COBLL1: variants seen among roughly 807,000 people sequenced by gnomAD.
The protein encoded by COBLL1 is cordon-bleu protein-like 1.
A neutral mutation model predicts 94.8 loss-of-function variants in COBLL1; 50 were observed. The observed-to-expected ratio is 0.53, with a 90% CI of 0.42 to 0.67. COBLL1 has a LOEUF of 0.67. Among genes scored for constraint, COBLL1 ranks in the 30% least tolerant of loss-of-function variants. The pLI is 0.00. For missense variants in COBLL1, 1,362 were observed against 1,348.7 expected, an observed-to-expected ratio of 1.01 and a Z score of -0.15; for synonymous variants, 448 against 473.8, an observed-to-expected ratio of 0.95 and a Z score of 0.71.
At chr2:164,808,895 T>A (rs757735742) in intron 2 of COBLL1, among the ~76,000 whole-genome samples, 1 of 152,160 alleles carries the variant, frequency 6.6e-6, no homozygotes, top group Non-Finnish European at 1.5e-5. Flanking sequence ...CACTCACATA[T>A]TCTTAAAAAG....
intron 2 of COBLL1, chr2:164,779,875 C>T (rs1688654140): frequency 7.0e-5 from 26 of 373,318 alleles, no homozygotes; most frequent in South Asian, 5.5e-4. Flanking sequence ...AGGTATGAGA[C>T]ATGGGTCAGG....
At chr2:164,705,802 G>C (rs754530204) in intron 7 of COBLL1, among the ~76,000 whole-genome samples, 5 of 152,186 alleles carry the variant, frequency 3.3e-5, no homozygotes, top group Admixed American at 6.5e-5. Context: ...GGAAGGCCAA[G>C]GTGGGCAGAC....
intron 2 of COBLL1, among the ~76,000 whole-genome samples, chr2:164,829,850 G>T (rs1682983320): frequency 6.6e-6 from 1 of 152,106 alleles, no homozygotes; most frequent in African/African-American, 2.4e-5. Context: ...AAGCTGGCTG[G>T]TTCCCTAAGG....
At chr2:164,717,491 G>A (rs1211642543) in intron 7 of COBLL1, among the ~76,000 whole-genome samples, 1 of 152,178 alleles carries the variant, frequency 6.6e-6, no homozygotes, top group Non-Finnish European at 1.5e-5. Context: ...ACGTTCATAT[G>A]TTTTGCTGAA....
intron 2 of COBLL1, among the ~76,000 whole-genome samples, chr2:164,825,706 T>C (rs946671453): frequency 2.1e-4 from 32 of 152,316 alleles, no homozygotes; most frequent in East Asian, 9.6e-4. Flanking sequence ...GACTATGCCA[T>C]CATGCTGCCA....
intron 1 of COBLL1, among the ~76,000 whole-genome samples, chr2:164,674,959 G>A (rs1691312373): frequency 6.6e-6 from 1 of 152,114 alleles, no homozygotes; most frequent in Non-Finnish European, 1.5e-5. Flanking sequence ...ACATTGTGTT[G>A]GGCAGGCATC....
intron 2 of COBLL1, among the ~76,000 whole-genome samples, chr2:164,665,355 A>G (rs1469015497): frequency 2.0e-5 from 3 of 151,230 alleles, no homozygotes; most frequent in African/African-American, 7.3e-5. Context: ...AGAAAGAAAG[A>G]AAGAAAGAAA....
chr2:164,680,071 C>T (rs1483424762), downstream of COBLL1: 2 of 152,016 alleles, frequency 1.3e-5, no homozygotes, highest in Non-Finnish European at 2.9e-5. Context: ...CAAATTCCTA[C>T]TTGCCTCCAA....
At chr2:164,774,205 A>C (rs1354072516) in intron 2 of COBLL1, among the ~76,000 whole-genome samples, 6 of 152,164 alleles carry the variant, frequency 3.9e-5, no homozygotes, top group Non-Finnish European at 8.8e-5. Flanking sequence ...TCAGAGAAAA[A>C]AGCAGGCATT....
At chr2:164,774,151 G>A (rs926188736) in intron 2 of COBLL1, among the ~76,000 whole-genome samples, 10 of 152,082 alleles carry the variant, frequency 6.6e-5, no homozygotes, top group Non-Finnish European at 8.8e-5. Context: ...AAAATTACTT[G>A]TAGGATGATA....
chr2:164,694,941 A>C lies in COBLL1; in HGVS notation c.2451T>G (p.Asp817Glu). 6.2e-7 allele frequency: 1 copy of C among 1,613,972 alleles called. No individual in the cohort carries two copies. Among genetic ancestry groups the C allele is most frequent in the South Asian group, 1.1e-5 (1 of 91,072 alleles). ...CAGGTTTCAGAGGACTAACCATGGC[A>C]TCATCAGGTGAGCTCACAGAACTGG... ...QVPSSVSSPDDAMVSPLKPAP... is the reference protein window; with the variant it reads ...QVPSSVSSPDEAMVSPLKPAP... The change falls in exon 12 of 14, where the codon GAT becomes GAG. Residue 817 changes from aspartate (D) to glutamate (E), a missense_variant. Transcript: ENST00000652658.
chr2:164,706,469 G>A (rs192310306), intron 7 of COBLL1, among the ~76,000 whole-genome samples: 76 of 152,282 alleles, frequency 5.0e-4, no homozygotes, highest in Admixed American at 5.2e-4. Context: ...TTTGCATGCT[G>A]ATGAATTCCA....
At chr2:164,693,423 T>C (rs1222872001) in intron 12 of COBLL1, among the ~76,000 whole-genome samples, 2 of 152,184 alleles carry the variant, frequency 1.3e-5, no homozygotes, top group Non-Finnish European at 2.9e-5. Flanking sequence ...ATTAAATACT[T>C]CTGGAACTGT....
chr2:164,749,289 T>A (rs1687015310), intron 2 of COBLL1, among the ~76,000 whole-genome samples: 1 of 152,166 alleles, frequency 6.6e-6, no homozygotes, highest in Non-Finnish European at 1.5e-5. Flanking sequence ...AGAAAAGTGC[T>A]ATACAAAAAA....
chr2:164,819,091 T>C (rs1685031942), intron 2 of COBLL1, among the ~76,000 whole-genome samples: 1 of 152,032 alleles, frequency 6.6e-6, no homozygotes, highest in Non-Finnish European at 1.5e-5. Flanking sequence ...AAATATTTAA[T>C]CTATCATAAA....
At chr2:164,821,435 T>C (rs969336079) in intron 2 of COBLL1, among the ~76,000 whole-genome samples, 9 of 152,202 alleles carry the variant, frequency 5.9e-5, no homozygotes, top group African/African-American at 2.2e-4. Flanking sequence ...TGTAATGGGA[T>C]TATTTCTAGT....
chr2:164,756,013 T>A (rs1008723749), intron 2 of COBLL1, among the ~76,000 whole-genome samples: 1 of 151,624 alleles, frequency 6.6e-6, no homozygotes, highest in Non-Finnish European at 1.5e-5. Context: ...CACATACAAA[T>A]GTGTGAGTAT....
At chr2:164,668,375 G>A (rs1470166693) in intron 1 of COBLL1, among the ~76,000 whole-genome samples, 1 of 152,296 alleles carries the variant, frequency 6.6e-6, no homozygotes, top group East Asian at 1.9e-4. Flanking sequence ...GGCCACTGTA[G>A]GGTTAATTGG....
chr2:164,722,663 C>G (rs1170939976), intron 5 of COBLL1, 141 bp from the exon 6 acceptor site: 2 of 431,724 alleles, frequency 4.6e-6, no homozygotes, highest in Non-Finnish European at 8.3e-6. Flanking sequence ...CACCTTAAAT[C>G]TTATTAAGTT....
Sources: allele counts gnomAD v4.1 joint callset (sites outside exome capture counted in the v4.1 genomes callset), GRCh38; gene constraint gnomAD v4.1.1; transcripts MANE v1.5; gene names NCBI Gene and HGNC (gene_info 2026-07-23, HGNC 2026-07-21).